TRAK2: variants seen among roughly 807,000 people sequenced by gnomAD.
The protein encoded by TRAK2 is trafficking kinesin protein 2.
A neutral mutation model predicts 104.6 loss-of-function variants in TRAK2; 81 were observed. That is an observed-to-expected ratio of 0.77 (90% CI 0.65 to 0.93). The LOEUF (loss-of-function observed/expected upper bound fraction) is 0.93, where lower values mean the gene tolerates loss of function less well. Ranked by LOEUF, TRAK2 falls within the 40% of genes least tolerant of loss-of-function variation. TRAK2 has a pLI of 0.00. For synonymous variants in TRAK2, 406 were observed against 394.4 expected (o/e 1.03, Z -0.35); for missense variants, 1,002 against 1,089.0 (o/e 0.92, Z 1.12).
Position 201,407,531 on chromosome 2 carries a change from T to C in TRAK2, c.158A>G (p.Gln53Arg), listed in dbSNP as rs1447949088. The part of the protein sequence containing the change: ...LVSLLEEQLP[Q>R]YRLKVDTLFL... Reference sequence around the variant, plus strand: ...GAGAGTGTCTACTTTTAGCCTATACTGTGGTAGTTGTTCTTCTAGCAGACT... The same window carrying C: ...GAGAGTGTCTACTTTTAGCCTATACCGTGGTAGTTGTTCTTCTAGCAGACT... Residue 53 changes from glutamine to arginine, a missense_variant, in exon 3 of 16, where the codon CAG becomes CGG. Physicochemically the swap from Gln to Arg is conservative, Grantham distance 43 (BLOSUM62 1). Coordinates refer to ENST00000332624, the MANE Select transcript of TRAK2 (RefSeq NM_015049.3). The C allele has an allele frequency of 1.9e-6, 3 of 1,614,096 alleles. No individual in the cohort carries two copies. Among genetic ancestry groups the C allele is most frequent in the South Asian group, 1.1e-5 (1 of 91,078 alleles).
rs182400888 is a variant in TRAK2, at chr2:201,415,488, A to G, written c.91+4929T>C. On this transcript the variant is annotated intron_variant, in intron 2 of 15. Coordinates refer to ENST00000332624, the MANE Select transcript of TRAK2 (RefSeq NM_015049.3). The stretch of plus-strand genomic sequence containing the variant: ...TATCCTCTATTTTTAATATGCTCAA[A>G]GATTTAAGGGGAAAATATGAACGTA... 3.3e-5 allele frequency among the ~76,000 whole-genome samples: 5 copies of G among 152,320 alleles called. 1 individual carries two copies. The highest frequency in any genetic ancestry group is 3.3e-4 in the Admixed American group (5 of 15,300).
chr2:201,427,270 C>G (rs1278512795), intron 1 of TRAK2, among the ~76,000 whole-genome samples: 1 of 152,012 alleles, frequency 6.6e-6, no homozygotes, highest in Non-Finnish European at 1.5e-5. Context: ...GTGTGCTGCA[C>G]CCATTAACAC....
At chr2:201,404,270 G>A (rs969652530) in intron 3 of TRAK2, among the ~76,000 whole-genome samples, 18 of 152,104 alleles carry the variant, frequency 1.2e-4, no homozygotes, top group Admixed American at 7.9e-4. Flanking sequence ...CTATTTTCCC[G>A]TCAGTTTTCG....
intron 2 of TRAK2, chr2:201,412,428 AT>A (rs1271777935): frequency 7.9e-7 from 1 of 1,267,368 alleles, no homozygotes; most frequent in African/African-American, 1.5e-5. Context: ...CCTCAGGTAT[AT>A]TTATAAGTGA....
intron 9 of TRAK2, among the ~76,000 whole-genome samples, chr2:201,393,612 C>T (rs1378486242): frequency 1.3e-5 from 2 of 152,002 alleles, no homozygotes; most frequent in African/African-American, 4.8e-5. Context: ...CAGTATATGC[C>T]CCAGTTCATC....
chr2:201,407,530 C>T lies in TRAK2; in HGVS notation c.159G>A (p.Gln53=). 1.3e-5 allele frequency: 21 copies of T among 1,614,078 alleles called. No homozygotes were observed. The highest frequency in any genetic ancestry group is 1.8e-5 in the Non-Finnish European group (21 of 1,179,982). The part of the protein sequence containing the change: ...LVSLLEEQLP[Q]YRLKVDTLFL... ...AGAGAGTGTCTACTTTTAGCCTATA[C>T]TGTGGTAGTTGTTCTTCTAGCAGAC... Residue 53 remains glutamine, a synonymous_variant, in exon 3 of 16, where the codon CAG becomes CAA. Transcript: ENST00000332624.
At chr2:201,426,805 G>T (rs764517272) in intron 1 of TRAK2, among the ~76,000 whole-genome samples, 1 of 152,160 alleles carries the variant, frequency 6.6e-6, no homozygotes, top group Non-Finnish European at 1.5e-5. Flanking sequence ...GTTCTTCCTG[G>T]AGACTTTTTA....
intron 2 of TRAK2, chr2:201,411,820 G>A: frequency 4.8e-6 from 4 of 828,628 alleles, no homozygotes; most frequent in African/African-American, 1.7e-5. Context: ...GGAACAGCAA[G>A]GGAAGACATT....
intron 2 of TRAK2, chr2:201,412,271 G>A: frequency 9.0e-7 from 1 of 1,116,644 alleles, no homozygotes; most frequent in Non-Finnish European, 1.4e-6. Context: ...TGTGATTTCT[G>A]AAGATTATCT....
At chr2:201,410,504 C>T in intron 2 of TRAK2, 1 of 866,884 alleles carries the variant, frequency 1.2e-6, no homozygotes, top group Non-Finnish European at 1.8e-6. Context: ...AATCAGCTCA[C>T]CCATGATTGG....
chr2:201,417,030 C>T (rs188445346), intron 2 of TRAK2, among the ~76,000 whole-genome samples: 66 of 134,808 alleles, frequency 4.9e-4, no homozygotes, highest in South Asian at 2.2e-3. Context: ...AGAAAAGACC[C>T]CATTATAAGT....
intron 10 of TRAK2, among the ~76,000 whole-genome samples, chr2:201,390,300 T>C (rs997425352): frequency 6.6e-6 from 1 of 151,676 alleles, no homozygotes; most frequent in African/African-American, 2.4e-5. Context: ...ATCCCAGCAC[T>C]TTGGGAGGCC....
At chr2:201,390,526 T>C (rs1461969005) in intron 10 of TRAK2, among the ~76,000 whole-genome samples, 1 of 138,912 alleles carries the variant, frequency 7.2e-6, no homozygotes, top group African/African-American at 2.7e-5. Flanking sequence ...ATCGCACCAC[T>C]GCACTCCAGT....
rs770523739 is a variant in TRAK2 at position 201,386,365 on chromosome 2, GATAA to G, written c.1812_1815del (p.Tyr605ThrfsTer5). ...TCATCCTCTTCTAAATCTGAGATGT[GATAA>G]ATAGCATCCCCGGGCAACTGGGTAA... On this transcript the variant is annotated frameshift_variant, in exon 14 of 16. Coordinates refer to ENST00000332624, the MANE Select transcript of TRAK2 (RefSeq NM_015049.3). LOFTEE classifies it high-confidence loss of function. The G allele has an allele frequency of 7.4e-6, 12 of 1,614,026 alleles. No individual in the cohort carries two copies. The South Asian group carries it at 1.2e-4, about 16-fold the overall frequency.
intron 1 of TRAK2, among the ~76,000 whole-genome samples, chr2:201,450,001 GTTCT>G (rs1952011325): frequency 6.6e-6 from 1 of 152,038 alleles, no homozygotes; most frequent in Admixed American, 6.5e-5. Flanking sequence ...CCAAATGTTG[GTTCT>G]TTCTAACAAA....
intron 1 of TRAK2, among the ~76,000 whole-genome samples, chr2:201,430,943 G>T (rs1018711638): frequency 1.3e-5 from 2 of 152,146 alleles, no homozygotes; most frequent in Non-Finnish European, 2.9e-5. Flanking sequence ...GTTCCTATTT[G>T]GCCATCTTGG....
intron 3 of TRAK2, among the ~76,000 whole-genome samples, chr2:201,404,349 C>A (rs1419350484): frequency 6.6e-6 from 1 of 152,118 alleles, no homozygotes; most frequent in Non-Finnish European, 1.5e-5. Context: ...CATAGACTTC[C>A]CTAACTCTCT....
In TRAK2 at chr2:201,394,891, A is replaced by G. The variant is rs1951486675; in HGVS notation, c.901-19T>C. On this transcript the variant is annotated intron_variant, in intron 8 of 15. Transcript: ENST00000332624. Reference sequence around the variant, plus strand: ...TCACATGCTAACAACATATTAAAAAAGACATGTGAAGCCTTTCCAAGTAAA... The same window carrying G: ...TCACATGCTAACAACATATTAAAAAGGACATGTGAAGCCTTTCCAAGTAAA... 2 of 1,598,322 alleles carry G rather than the reference A, an allele frequency of 1.3e-6. No homozygotes were observed. The highest frequency in any genetic ancestry group is 2.2e-5 in the South Asian group (2 of 89,692).
chr2:201,395,264 T>C, intron 8 of TRAK2, 50 bp downstream of exon 8: 1 of 1,513,978 alleles, frequency 6.6e-7, no homozygotes, highest in South Asian at 1.2e-5. Flanking sequence ...TGGTGCAAGA[T>C]ACTATGTGAG....
Sources: allele counts gnomAD v4.1 joint callset (sites outside exome capture counted in the v4.1 genomes callset), GRCh38; gene constraint gnomAD v4.1.1; transcripts MANE v1.5; gene names NCBI Gene and HGNC (gene_info 2026-07-23, HGNC 2026-07-21).